CTNNA2: variants seen among roughly 807,000 people sequenced by gnomAD.
CTNNA2 encodes the protein catenin alpha-2.
A neutral mutation model predicts 101.0 loss-of-function variants in CTNNA2; 42 were observed. The ratio of observed to expected loss-of-function variants is 0.42; its 90% CI spans 0.32 to 0.54. The LOEUF (loss-of-function observed/expected upper bound fraction) is 0.54. Among genes scored for constraint, CTNNA2 ranks in the 20% least tolerant of loss-of-function variants. CTNNA2 has a pLI of 0.14. For synonymous variants in CTNNA2, 450 were observed against 456.4 expected, an observed-to-expected ratio of 0.99 and a Z score of 0.18; for missense variants, 871 against 1,223.1, an observed-to-expected ratio of 0.71 and a Z score of 4.29.
In CTNNA2 at chr2:79,336,775, C is replaced by T. The variant is rs373625643; in HGVS notation, c.-318+23979C>T. On this transcript the variant is annotated intron_variant, in intron 3 of 21. Coordinates refer to the CTNNA2 transcript ENST00000466387. ...GCCAACTGGAGGGCCCTATCTGTGT[C>T]GTCAAAGCTTGATTAAATGATACAT... 2.0e-5 allele frequency among the ~76,000 whole-genome samples: 3 copies of T among 152,086 alleles called. 1 individual carries two copies. The highest frequency in any genetic ancestry group is 1.3e-4 in the Admixed American group (2 of 15,268).
At chr2:79,433,852 A>C (rs1159598) in intron 4 of CTNNA2, among the ~76,000 whole-genome samples, 1 of 152,000 alleles carries the variant, frequency 6.6e-6, no homozygotes, top group Admixed American at 6.6e-5. Flanking sequence ...CATTCATCAG[A>C]ATTTCGCACA....
intron 9 of CTNNA2, among the ~76,000 whole-genome samples, chr2:80,448,985 C>G (rs1683280130): frequency 6.6e-6 from 1 of 152,122 alleles, no homozygotes; most frequent in African/African-American, 2.4e-5. Flanking sequence ...AGAGCTGATG[C>G]TAGGGGTCAT....
In CTNNA2 at chr2:80,439,661, G is replaced by A. The variant is rs569582080; in HGVS notation, c.1290+20060G>A. ...GGGAATCTGCCTGCCTTGGCCTCCC[G>A]AAATGCTGGGATTACAGGCATGAGC... On this transcript the variant is annotated intron_variant, in intron 9 of 18. Transcript: ENST00000402739. Among the ~76,000 whole-genome samples the A allele has an allele frequency of 9.2e-5, 14 of 152,202 alleles. No individual in the cohort carries two copies. The East Asian group carries it at 1.4e-3, about 15-fold the overall frequency.
chr2:80,641,393 A>G (rs1673469227), intron 18 of CTNNA2, among the ~76,000 whole-genome samples: 1 of 152,160 alleles, frequency 6.6e-6, no homozygotes. Context: ...AAAAAGACAT[A>G]CAATGTGAAA....
chr2:80,114,343 G>T (rs781754651), intron 7 of CTNNA2, among the ~76,000 whole-genome samples: 7 of 152,094 alleles, frequency 4.6e-5, no homozygotes, highest in Non-Finnish European at 1.0e-4. Context: ...CTGGGACATA[G>T]GATTTTGTAA....
rs572967553 is a variant in CTNNA2 at position 80,450,697 on chromosome 2, C to T, written c.1290+31096C>T. On this transcript the variant is annotated intron_variant, in intron 9 of 18. Transcript: ENST00000402739. ...GACATTCAGATGCTTCCTTGAATCT[C>T]CAGTTTCCAAGCTAGACAGTCTTAA... 8.5e-5 allele frequency among the ~76,000 whole-genome samples: 13 copies of T among 152,230 alleles called. No individual in the cohort carries two copies. In the South Asian group the frequency reaches 2.1e-3, roughly 24 times the overall value.
At chr2:79,287,376 C>T (rs1379723960) in intron 2 of CTNNA2, among the ~76,000 whole-genome samples, 4 of 152,154 alleles carry the variant, frequency 2.6e-5, no homozygotes, top group Non-Finnish European at 5.9e-5. Context: ...TTTTCCCCAT[C>T]TTTGTGGTTT....
intron 2 of CTNNA2, among the ~76,000 whole-genome samples, chr2:79,227,848 A>G (rs899524215): frequency 6.6e-6 from 1 of 152,130 alleles, no homozygotes; most frequent in Non-Finnish European, 1.5e-5. Flanking sequence ...GGTCCCAAAG[A>G]TCTTACCACC....
At chr2:79,683,650 G>T (rs933569039) in intron 2 of CTNNA2, among the ~76,000 whole-genome samples, 1 of 152,210 alleles carries the variant, frequency 6.6e-6, no homozygotes, top group African/African-American at 2.4e-5. Flanking sequence ...CTCACCAGAG[G>T]CTCTACTTTG....
chr2:80,347,001 C>G (rs989016679), intron 7 of CTNNA2, among the ~76,000 whole-genome samples: 1 of 152,172 alleles, frequency 6.6e-6, no homozygotes, highest in Non-Finnish European at 1.5e-5. Flanking sequence ...GTTTGAAGAT[C>G]TGGACTTACA....
chr2:80,504,502 G>A (rs1222484271), intron 9 of CTNNA2, among the ~76,000 whole-genome samples: 1 of 152,124 alleles, frequency 6.6e-6, no homozygotes, highest in African/African-American at 2.4e-5. Flanking sequence ...TAGGGGAGGG[G>A]ATTATACAGG....
At chr2:79,246,966 G>T (rs1674708258) in intron 2 of CTNNA2, among the ~76,000 whole-genome samples, 1 of 152,210 alleles carries the variant, frequency 6.6e-6, no homozygotes, top group African/African-American at 2.4e-5. Context: ...GAAAGCTAGG[G>T]CTCATGGCCT....
intron 7 of CTNNA2, among the ~76,000 whole-genome samples, chr2:80,383,099 G>A (rs1649978857): frequency 6.6e-6 from 1 of 152,150 alleles, no homozygotes; most frequent in Admixed American, 6.5e-5. Context: ...AATCACCCAA[G>A]CTCAGGGGGT....
chr2:80,232,342 T>G (rs1709276337), intron 7 of CTNNA2, among the ~76,000 whole-genome samples: 1 of 43,208 alleles, frequency 2.3e-5, no homozygotes. Context: ...TGTTTGTTTG[T>G]TTGTTTTTTT....
intron 7 of CTNNA2, among the ~76,000 whole-genome samples, chr2:80,181,745 A>G (rs554670101): frequency 1.8e-4 from 27 of 152,364 alleles, no homozygotes; most frequent in African/African-American, 6.3e-4. Flanking sequence ...TATTATGTAT[A>G]GAGTCACTGT....
At chr2:79,657,486 A>C (rs1681695658) in intron 2 of CTNNA2, among the ~76,000 whole-genome samples, 1 of 152,088 alleles carries the variant, frequency 6.6e-6, no homozygotes, top group African/African-American at 2.4e-5. Flanking sequence ...GTTTAGTTGA[A>C]TATTACCAGA....
chr2:80,167,745 T>G (rs983438395), intron 7 of CTNNA2, among the ~76,000 whole-genome samples: 2 of 152,222 alleles, frequency 1.3e-5, no homozygotes, highest in African/African-American at 4.8e-5. Context: ...CAGGAATTAG[T>G]TGTAATGCAC....
chr2:80,131,619 G>A (rs942392852), intron 7 of CTNNA2, among the ~76,000 whole-genome samples: 1 of 152,134 alleles, frequency 6.6e-6, no homozygotes, highest in Non-Finnish European at 1.5e-5. Flanking sequence ...CAGGTAGGGG[G>A]TAGAATCTTC....
At chr2:80,617,566 CT>C (rs528107249) in intron 17 of CTNNA2, among the ~76,000 whole-genome samples, 59 of 151,608 alleles carry the variant, frequency 3.9e-4, no homozygotes, top group African/African-American at 1.2e-3. Flanking sequence ...ATATGCAAGA[CT>C]TTTTTTTCTT....
Sources: allele counts gnomAD v4.1 joint callset (sites outside exome capture counted in the v4.1 genomes callset), GRCh38; gene constraint gnomAD v4.1.1; transcripts MANE v1.5; gene names NCBI Gene and HGNC (gene_info 2026-07-23, HGNC 2026-07-21).